RBFOX1: variants seen among roughly 807,000 people sequenced by gnomAD.
The protein encoded by RBFOX1 is RNA binding fox-1 homolog 1.
In RBFOX1, 8 loss-of-function variants were observed where a neutral mutation model predicts 57.7. The observed-to-expected ratio is 0.14, with a 90% CI of 0.08 to 0.25. The LOEUF (loss-of-function observed/expected upper bound fraction) is 0.25. RBFOX1 is among the 10% of genes least tolerant of loss of function. The pLI, the probability that RBFOX1 is intolerant of heterozygous loss-of-function variation, is 1.00. For missense variants in RBFOX1, 611 were observed against 548.5 expected, an observed-to-expected ratio of 1.11 and a Z score of -1.14; for synonymous variants, 326 against 222.4, an observed-to-expected ratio of 1.47 and a Z score of -4.15.
At chr16:5,736,004 G>A (rs1284973882) in intron 3 of RBFOX1, among the ~76,000 whole-genome samples, 1 of 152,132 alleles carries the variant, frequency 6.6e-6, no homozygotes, top group Non-Finnish European at 1.5e-5. Context: ...TTTGCTTAGG[G>A]TCCTCTTCCT....
intron 3 of RBFOX1, among the ~76,000 whole-genome samples, chr16:6,966,291 G>T (rs1228938231): frequency 1.3e-5 from 2 of 152,214 alleles, no homozygotes; most frequent in Admixed American, 6.5e-5. Context: ...CACTCCTGCA[G>T]GCACTGAGGA....
chr16:6,446,761 T>G (rs1286846321), intron 2 of RBFOX1, among the ~76,000 whole-genome samples: 1 of 152,210 alleles, frequency 6.6e-6, no homozygotes, highest in Non-Finnish European at 1.5e-5. Context: ...TTTTATTTAT[T>G]TAGTGTCTGC....
intron 4 of RBFOX1, among the ~76,000 whole-genome samples, chr16:7,292,812 C>A (rs1037370304): frequency 1.3e-5 from 2 of 152,010 alleles, no homozygotes; most frequent in Non-Finnish European, 2.9e-5. Context: ...TCAGTAAGCA[C>A]AATAGGTCTT....
chr16:7,601,321 A>G (rs537694406), intron 9 of RBFOX1, among the ~76,000 whole-genome samples: 2 of 152,320 alleles, frequency 1.3e-5, no homozygotes, highest in South Asian at 4.1e-4. Flanking sequence ...ATTATGAGAG[A>G]AAGTGCTCAA....
At chr16:7,061,450 TAAAG>T (rs1465707279) in intron 4 of RBFOX1, among the ~76,000 whole-genome samples, 2 of 152,158 alleles carry the variant, frequency 1.3e-5, no homozygotes, top group Non-Finnish European at 2.9e-5. Flanking sequence ...TATGATTAAA[TAAAG>T]AAGTGTACAG....
chr16:7,492,901 C>G (rs564245560), intron 4 of RBFOX1, among the ~76,000 whole-genome samples: 2 of 152,162 alleles, frequency 1.3e-5, no homozygotes, highest in South Asian at 4.2e-4. Flanking sequence ...AATTAAGCCT[C>G]TCTTTTTTGA....
intron 3 of RBFOX1, among the ~76,000 whole-genome samples, chr16:6,963,114 T>C (rs6500892): frequency 0.61 from 93,191 of 151,882 alleles, 28,711 homozygotes; most frequent in Non-Finnish European, 0.63. Flanking sequence ...AGTCCGAGAT[T>C]CACCTCTGGG....
In RBFOX1 at chr16:6,423,406, C is replaced by T. The variant is rs145594629; in HGVS notation, c.-64+106349C>T. Among the ~76,000 whole-genome samples the T allele has an allele frequency of 1.2e-3, 184 of 152,142 alleles. 1 individual carries two copies. In the Middle Eastern group the frequency reaches 0.014, roughly 11 times the overall value. The stretch of plus-strand genomic sequence containing the variant: ...CTGAGGTCAGGAGTTTGGGACCAGC[C>T]TGGGCAACATGGTGAGACCCCGTCT... On this transcript the variant is annotated intron_variant, in intron 2 of 15. Coordinates refer to ENST00000550418, the MANE Select transcript of RBFOX1 (RefSeq NM_018723.4).
chr16:6,664,997 G>T (rs981336219), intron 3 of RBFOX1, among the ~76,000 whole-genome samples: 2 of 152,136 alleles, frequency 1.3e-5, no homozygotes, highest in African/African-American at 4.8e-5. Flanking sequence ...ATTAGTCAGG[G>T]CATTTTCAAT....
chr16:6,968,813 GT>G (rs1259504331), intron 3 of RBFOX1, among the ~76,000 whole-genome samples: 4 of 150,408 alleles, frequency 2.7e-5, no homozygotes, highest in Non-Finnish European at 4.4e-5. Flanking sequence ...ATTAATCCAG[GT>G]TTTTTTGTTT....
At position 5,570,627 on chromosome 16, in the gene RBFOX1, G is replaced by T. The variant is rs147101542; in HGVS notation, c.259-28275G>T. 7.7e-3 allele frequency among the ~76,000 whole-genome samples: 1,179 copies of T among 152,214 alleles called. 13 individuals are homozygous for T. The highest frequency in any genetic ancestry group is 0.027 in the African/African-American group (1,136 of 41,534). On this transcript the variant is annotated intron_variant, in intron 2 of 2. Transcript: ENST00000585867. Reference sequence around the variant, plus strand: ...GGCCAAGGAAGAAGGATCACCTGAGGTCAGGAGTTTGAGACCAGCCTTGCC... The same window carrying T: ...GGCCAAGGAAGAAGGATCACCTGAGTTCAGGAGTTTGAGACCAGCCTTGCC...
At chr16:6,967,206 A>G (rs1005240761) in intron 3 of RBFOX1, among the ~76,000 whole-genome samples, 5 of 151,986 alleles carry the variant, frequency 3.3e-5, no homozygotes, top group African/African-American at 1.2e-4. Flanking sequence ...ACATTGATCC[A>G]TCTCTCCATC....
intron 1 of RBFOX1, among the ~76,000 whole-genome samples, chr16:5,292,827 G>A (rs1170024988): frequency 1.1e-4 from 16 of 152,110 alleles, no homozygotes; most frequent in African/African-American, 3.6e-4. Flanking sequence ...GTTTCACCAT[G>A]TTAGCCAGGA....
chr16:7,121,849 A>G (rs1218323062), intron 4 of RBFOX1, among the ~76,000 whole-genome samples: 1 of 152,056 alleles, frequency 6.6e-6, no homozygotes, highest in African/African-American at 2.4e-5. Context: ...TCAACTGGAC[A>G]AAATAGAGAC....
At chr16:7,536,736 T>G (rs76760858) in intron 5 of RBFOX1, among the ~76,000 whole-genome samples, 6,606 of 152,260 alleles carry the variant, frequency 0.043, 206 homozygotes, top group East Asian at 0.12. Flanking sequence ...GATTGTCGAT[T>G]GTATATGTCT....
At chr16:7,656,466 T>A (rs977033717) in intron 12 of RBFOX1, among the ~76,000 whole-genome samples, 2 of 151,666 alleles carry the variant, frequency 1.3e-5, no homozygotes, top group African/African-American at 4.8e-5. Flanking sequence ...CCCTATCTTG[T>A]GTTCAGGGAG....
chr16:6,548,786 G>T (rs1363798812), intron 2 of RBFOX1, among the ~76,000 whole-genome samples: 1 of 152,040 alleles, frequency 6.6e-6, no homozygotes, highest in Non-Finnish European at 1.5e-5. Flanking sequence ...CGAGAAGTTA[G>T]CATCCTTGGC....
intron 3 of RBFOX1, among the ~76,000 whole-genome samples, chr16:6,806,721 G>C (rs966361733): frequency 6.7e-6 from 1 of 148,554 alleles, no homozygotes; most frequent in African/African-American, 2.5e-5. Flanking sequence ...GTATTACCAG[G>C]GGAGCATCTT....
chr16:6,842,046 G>C (rs1385221221), intron 3 of RBFOX1, among the ~76,000 whole-genome samples: 3 of 151,970 alleles, frequency 2.0e-5, no homozygotes, highest in Non-Finnish European at 2.9e-5. Context: ...GGGAGGCTGA[G>C]GGAGGAGAAT....
Sources: allele counts gnomAD v4.1 joint callset (sites outside exome capture counted in the v4.1 genomes callset), GRCh38; gene constraint gnomAD v4.1.1; transcripts MANE v1.5; gene names NCBI Gene and HGNC (gene_info 2026-07-23, HGNC 2026-07-21).